The following GMIP variants were observed in gnomAD, a reference collection of about 807,000 sequenced individuals.
GMIP encodes the protein GEM-interacting protein.
A neutral mutation model predicts 105.3 loss-of-function variants in GMIP; 54 were observed. The observed-to-expected ratio is 0.51, with a 90% confidence interval of 0.41 to 0.64. The LOEUF (loss-of-function observed/expected upper bound fraction) is 0.64. Among genes scored for constraint, GMIP ranks in the 30% least tolerant of loss-of-function variants. The pLI is 0.00. For synonymous variants in GMIP, 541 were observed against 560.8 expected, an observed-to-expected ratio of 0.96 and a Z score of 0.50; for missense variants, 1,110 against 1,319.4, an observed-to-expected ratio of 0.84 and a Z score of 2.46.
chr19:19,639,546 A>G (rs1348619710), intron 7 of GMIP, among the ~76,000 whole-genome samples: 2 of 151,744 alleles, frequency 1.3e-5, no homozygotes, highest in Admixed American at 6.6e-5. Flanking sequence ...TCCCCTCCCC[A>G]CAAACAAAAA....
intron 7 of GMIP, among the ~76,000 whole-genome samples, chr19:19,638,740 T>C (rs911003136): frequency 2.6e-5 from 4 of 151,712 alleles, no homozygotes; most frequent in African/African-American, 7.3e-5. Context: ...ACTACAGGCA[T>C]GTGCACTAGG....
At chr19:19,636,850 C>A in intron 12 of GMIP, 54 bp from the exon 13 acceptor site, 1 of 1,563,298 alleles carries the variant, frequency 6.4e-7, no homozygotes, top group Non-Finnish European at 8.8e-7. Flanking sequence ...CCCACTCCTG[C>A]AGCCCACCTA....
intron 19 of GMIP, among the ~76,000 whole-genome samples, chr19:19,631,784 G>A (rs1304975893): frequency 2.0e-5 from 3 of 148,702 alleles, no homozygotes; most frequent in African/African-American, 5.0e-5. Flanking sequence ...TCAGGAGATC[G>A]AGACCATCCT....
At position 19,640,609 on chromosome 19, in the gene GMIP, A is replaced by G. The variant is rs202219724; in HGVS notation, c.239-38T>C. ...GATGGACCTCTGACCTTTGCACCCTAGTCTGCTATGGATGTCTTCCCTAAG... is the reference window on the plus strand; with the variant it reads ...GATGGACCTCTGACCTTTGCACCCTGGTCTGCTATGGATGTCTTCCCTAAG... On this transcript the variant is annotated intron_variant, in intron 4 of 20. Transcript: ENST00000203556. 3 of 1,611,900 alleles carry G rather than the reference A, an allele frequency of 1.9e-6. No individual in the cohort carries two copies. The African/African-American group carries it at 4.0e-5, about 22-fold the overall frequency.
intron 7 of GMIP, among the ~76,000 whole-genome samples, chr19:19,639,161 C>T (rs375469972): frequency 6.6e-6 from 1 of 151,928 alleles, no homozygotes; most frequent in Admixed American, 6.6e-5. Context: ...GTCTCGAACT[C>T]CTGGCCTCAA....
In GMIP at chr19:19,634,127, C is replaced by G; in HGVS notation, c.2148G>C (p.Pro716=). 2 of 1,612,068 alleles carry G rather than the reference C, an allele frequency of 1.2e-6. No individual in the cohort carries two copies. Among genetic ancestry groups the G allele is most frequent in the Non-Finnish European group, 1.7e-6 (2 of 1,179,110 alleles). ...SANNLGIVFG[P]TLLRPPDGPR... ...GGCCGTCCGGCGGCCGCAGCAGTGT[C>G]GGCCCAAACACAATGCCCAGGTTGT... Residue 716 remains proline, a synonymous_variant, in exon 19 of 21, where the codon CCG becomes CCC. Coordinates refer to ENST00000203556, the MANE Select transcript of GMIP (RefSeq NM_016573.4). This position sits in a 1 kb window ranked among gnomAD's most constrained non-coding sequence, Gnocchi z 6.1.
At chr19:19,640,421 G>A (rs759251036) in intron 5 of GMIP, 25 bp downstream of exon 5, 24 of 1,613,970 alleles carry the variant, frequency 1.5e-5, no homozygotes, top group Non-Finnish European at 1.9e-5. Flanking sequence ...CCTGGTAACT[G>A]GGGCTGGGCG....
intron 19 of GMIP, among the ~76,000 whole-genome samples, chr19:19,631,739 G>A (rs1013211336): frequency 2.0e-5 from 3 of 152,196 alleles, no homozygotes; most frequent in African/African-American, 7.2e-5. Context: ...TGTAATCCCA[G>A]CACTTTGGGA....
At chr19:19,643,197 C>T in intron 1 of GMIP, 1 of 357,536 alleles carries the variant, frequency 2.8e-6, no homozygotes. Flanking sequence ...GATCCTACCG[C>T]GTTGCCCTCT....
rs754106528 is a variant in GMIP at position 19,642,026 on chromosome 19, G to T, written c.130C>A (p.Pro44Thr). ...GGTTCTGGGTCTTCTGAGAGTAGAG[G>T]GTCTCCAGCCAGCATCTCAAGGGTC... ...NVTLEMLAGDPLLSEDPEPDK... is the reference protein window; with the variant it reads ...NVTLEMLAGDTLLSEDPEPDK... Residue 44 changes from proline (P) to threonine (T), a missense_variant, in exon 3 of 21, where the codon CCT (proline) becomes ACT (threonine). Pro to Thr is a conservative substitution (Grantham distance 38). Around this residue, in one of 3 missense-constraint regions of GMIP, gnomAD observed 667 missense variants for 773.2 expected, o/e 0.86. Coordinates refer to ENST00000203556, the MANE Select transcript of GMIP (RefSeq NM_016573.4). 1 of 1,613,534 alleles carries T rather than the reference G, an allele frequency of 6.2e-7. No individual in the cohort carries two copies. Among genetic ancestry groups the T allele is most frequent in the Non-Finnish European group, 8.5e-7 (1 of 1,179,544 alleles).
Position 19,634,287 on chromosome 19 carries a change from G to A in GMIP, c.2085-97C>T. Reference sequence around the variant, plus strand: ...ACGCAGGCCAGCCTAGAGGTGACTTGCCCATGTCACAGGTGTAAGTCGTCT... The same window carrying A: ...ACGCAGGCCAGCCTAGAGGTGACTTACCCATGTCACAGGTGTAAGTCGTCT... On this transcript the variant is annotated intron_variant, in intron 18 of 20. Coordinates refer to ENST00000203556, the MANE Select transcript of GMIP (RefSeq NM_016573.4). This position sits in a 1 kb window ranked among gnomAD's most constrained non-coding sequence, Gnocchi z 6.1. The A allele has an allele frequency of 1.5e-6, 2 of 1,319,554 alleles. No homozygotes were observed. The highest frequency in any genetic ancestry group is 1.0e-6 in the Non-Finnish European group (1 of 979,350). The allele number at this position is 1,319,554 out of a possible 1,614,324, so 81.7% of individuals were successfully genotyped here.
At chr19:19,642,452 C>A in intron 2 of GMIP, 83 bp downstream of exon 2, 1 of 813,888 alleles carries the variant, frequency 1.2e-6, no homozygotes, top group Non-Finnish European at 2.1e-6. Context: ...TTACAGGTTC[C>A]AAATGGGACT....
Position 19,634,565 on chromosome 19 carries a change from C to A in GMIP, c.2026G>T (p.Val676Leu). Residue 676 changes from valine (V) to leucine (L), a missense_variant, in exon 18 of 21, where the codon GTA (valine) becomes TTA (leucine). By Grantham distance (32) the Val-to-Leu change is conservative. Coordinates refer to ENST00000203556, the MANE Select transcript of GMIP (RefSeq NM_016573.4). The surrounding 1 kb of genome is among the most constrained non-coding windows in gnomAD (Gnocchi z 6.1). Reference sequence around the variant, plus strand: ...TTGTAGTTAGAGTCAGGCAGCTGTACCAAGAGGGTCTTCAGCGAGCGGATA... The same window carrying A: ...TTGTAGTTAGAGTCAGGCAGCTGTAACAAGAGGGTCTTCAGCGAGCGGATA... The part of the protein sequence containing the change: ...EVIRSLKTLL[V>L]QLPDSNYNTL... 1 of 1,613,562 alleles carries A rather than the reference C, an allele frequency of 6.2e-7. No individual in the cohort carries two copies. Among genetic ancestry groups the A allele is most frequent in the Non-Finnish European group, 8.5e-7 (1 of 1,179,850 alleles).
In GMIP at chr19:19,635,528, C is replaced by T. The variant is rs367839582; in HGVS notation, c.1447G>A (p.Gly483Arg). The T allele has an allele frequency of 9.5e-5, 153 of 1,613,510 alleles. No individual in the cohort carries two copies. The highest frequency in any genetic ancestry group is 1.9e-4 in the South Asian group (17 of 91,076). ...GLENGLGSPF[G>R]KWTLSSAAQT... is the part of the protein sequence containing the mutation. ...GCCGCGCTGGACAGTGTCCACTTCC[C>T]GAAGGGGCTGCCCAGCCCATTCTCC... Residue 483 changes from glycine to arginine, a missense_variant, in exon 15 of 21, where the codon GGG (glycine) becomes AGG (arginine). Around this residue, in one of 3 missense-constraint regions of GMIP, gnomAD observed 667 missense variants for 773.2 expected, o/e 0.86. Transcript: ENST00000203556. This position sits in a 1 kb window ranked among gnomAD's most constrained non-coding sequence, Gnocchi z 4.7.
chr19:19,639,113 T>G (rs893116814), intron 7 of GMIP, among the ~76,000 whole-genome samples: 2 of 151,852 alleles, frequency 1.3e-5, no homozygotes, highest in African/African-American at 4.8e-5. Flanking sequence ...TTTTTTTTGG[T>G]AGATAAAGAC....
chr19:19,634,088 G>A lies in GMIP; in HGVS notation c.2187C>T (p.Ser729=), dbSNP rs145958492. 587 of 1,613,250 alleles carry A rather than the reference G, an allele frequency of 3.6e-4. 4 individuals are homozygous for A. The African/African-American group carries it at 6.7e-3, about 18-fold the overall frequency. Residue 729 remains serine (S), a synonymous_variant, in exon 19 of 21, where the codon AGC becomes AGT. Coordinates refer to ENST00000203556, the MANE Select transcript of GMIP (RefSeq NM_016573.4). This position sits in a 1 kb window ranked among gnomAD's most constrained non-coding sequence, Gnocchi z 6.1. ...LRPPDGPRAA[S]AIPVTCLLDS... ...CCAGCAGGCAGGTGACAGGGATGGC[G>A]CTGGCTGCCCGCGGGCCGTCCGGCG... is the stretch of plus-strand genomic sequence containing the variant.
chr19:19,630,568 A>T lies in GMIP; in HGVS notation c.2473-31T>A. ...GGGAGAAACCCAAGAATGAGACCCC[A>T]ACACTAAAATCCCAGTTCTTTGAGA... On this transcript the variant is annotated intron_variant, in intron 19 of 20. Transcript: ENST00000203556. The surrounding 1 kb of genome is among the most constrained non-coding windows in gnomAD (Gnocchi z 4.8). 1 of 1,573,494 alleles carries T rather than the reference A, an allele frequency of 6.4e-7. No individual in the cohort carries two copies. The highest frequency in any genetic ancestry group is 8.7e-7 in the Non-Finnish European group (1 of 1,143,142).
rs1300496311 is a variant in GMIP at position 19,629,802 on chromosome 19, C to T, written c.*161G>A. On this transcript the variant is annotated 3_prime_UTR_variant, in exon 21 of 21. Transcript: ENST00000203556. ...TCCCCAAAAGGGTTTTAGGCCTCCCCTAGGTCATGTATTAAATAGTTTTTC... is the reference window on the plus strand; with the variant it reads ...TCCCCAAAAGGGTTTTAGGCCTCCCTTAGGTCATGTATTAAATAGTTTTTC... 1.4e-6 allele frequency: 1 copy of T among 702,614 alleles called. No individual in the cohort carries two copies. The highest frequency in any genetic ancestry group is 2.3e-6 in the Non-Finnish European group (1 of 430,528). 43.5% of individuals were successfully genotyped at this position (702,614 alleles called of 1,614,324 possible).
At position 19,635,394 on chromosome 19, in the gene GMIP, G is replaced by T. The variant is rs1188143734; in HGVS notation, c.1560+21C>A. The T allele has an allele frequency of 6.2e-7, 1 of 1,604,742 alleles. No individual in the cohort carries two copies. The highest frequency in any genetic ancestry group is 1.1e-5 in the South Asian group (1 of 90,248). On this transcript the variant is annotated intron_variant, in intron 15 of 20. Transcript: ENST00000203556. This position sits in a 1 kb window ranked among gnomAD's most constrained non-coding sequence, Gnocchi z 4.7. ...GATCAAGGGTCAGCAAAGGTCATTT[G>T]GTCATTAACCCAGGCCACACCTCCT...
Sources: gnomAD v4.1 joint callset for allele counts (sites outside exome capture counted in the v4.1 genomes callset) on GRCh38, gnomAD v4.1.1 for gene constraint, gnomAD v4.1.1 regional missense constraint, Gnocchi (gnomAD v3.1) non-coding constraint, MANE v1.5 for transcripts, NCBI Gene and HGNC (gene_info 2026-07-23, HGNC 2026-07-21) for gene names.